CASK: variants seen among roughly 807,000 people sequenced by gnomAD.
CASK encodes peripheral plasma membrane protein CASK.
CASK carries 4 observed loss-of-function variants against 82.9 expected under a neutral mutation model. The ratio of observed to expected loss-of-function variants is 0.05; its 90% confidence interval spans 0.02 to 0.11. CASK has a LOEUF of 0.11. Ranked by LOEUF, CASK falls within the 10% of genes least tolerant of loss-of-function variation. CASK has a pLI of 1.00. For synonymous variants in CASK, 259 were observed against 253.5 expected (o/e 1.02, Z -0.20); for missense variants, 358 against 720.9 (o/e 0.50, Z 5.76).
intron 22 of CASK, among the ~76,000 whole-genome samples, chrX:41,539,321 A>C (rs2064917256): frequency 8.9e-6 from 1 of 112,196 alleles, no homozygotes; most frequent in African/African-American, 3.2e-5. Flanking sequence ...CCCAACCTTC[A>C]TTTGTACCAC....
intron 5 of CASK, among the ~76,000 whole-genome samples, chrX:41,681,634 A>T (rs2067356704): frequency 9.0e-6 from 1 of 111,525 alleles, no homozygotes; most frequent in Non-Finnish European, 1.9e-5. Flanking sequence ...AGGATCCATA[A>T]AAAGTGCCAT....
At chrX:41,844,911 AT>A (rs1226301636) in intron 2 of CASK, among the ~76,000 whole-genome samples, 1 of 111,990 alleles carries the variant, frequency 8.9e-6, no homozygotes, top group East Asian at 2.8e-4. Context: ...ATCTCAGAGT[AT>A]TTTTAAAGTA....
chrX:41,830,335 A>G (rs1454267157), intron 2 of CASK, among the ~76,000 whole-genome samples: 1 of 111,183 alleles, frequency 9.0e-6, no homozygotes, highest in Non-Finnish European at 1.9e-5. Flanking sequence ...TCCATCTCTG[A>G]GACTTCCTAA....
chrX:41,889,698 A>G (rs2072129412), intron 1 of CASK, among the ~76,000 whole-genome samples: 1 of 112,122 alleles, frequency 8.9e-6, no homozygotes, highest in South Asian at 3.7e-4. Flanking sequence ...CACTGGTAAC[A>G]TTTGCTTCAT....
intron 1 of CASK, among the ~76,000 whole-genome samples, chrX:41,864,016 G>A (rs1021766442): frequency 9.0e-6 from 1 of 111,085 alleles, no homozygotes; most frequent in African/African-American, 3.3e-5. Context: ...AGGGGGCGGA[G>A]GTTAATATCT....
chrX:41,518,399 G>A lies in CASK; in HGVS notation c.*2021C>T, dbSNP rs1255939319. 9.1e-6 allele frequency: 1 copy of A among 110,168 alleles called. No individual in the cohort carries two copies. The highest frequency in any genetic ancestry group is 1.9e-5 in the Non-Finnish European group (1 of 53,018). The allele number at this position is 110,168 out of a possible 1,213,427, so 9.1% of individuals were successfully genotyped here. ...CTAACACAGCCCTACCCAACTCTTTGAAGGTTTCTCTCTCTATCTAGTGTG... is the reference window on the plus strand; with the variant it reads ...CTAACACAGCCCTACCCAACTCTTTAAAGGTTTCTCTCTCTATCTAGTGTG... On this transcript the variant is annotated 3_prime_UTR_variant, in exon 27 of 27. Coordinates refer to ENST00000378163, the MANE Select transcript of CASK (RefSeq NM_001367721.1).
intron 1 of CASK, among the ~76,000 whole-genome samples, chrX:41,913,486 A>G (rs1423047691): frequency 8.9e-6 from 1 of 112,291 alleles, no homozygotes; most frequent in Non-Finnish European, 1.9e-5. Flanking sequence ...TTTACAGATA[A>G]AGAAACTGAG....
At chrX:41,823,057 G>T (rs1487315925) in intron 2 of CASK, among the ~76,000 whole-genome samples, 1 of 104,969 alleles carries the variant, frequency 9.5e-6, no homozygotes, top group African/African-American at 3.5e-5. Context: ...GGGGCCTTGA[G>T]GCAGCCTAGC....
At chrX:41,614,854 T>G (rs1404761387) in intron 11 of CASK, among the ~76,000 whole-genome samples, 2 of 111,040 alleles carry the variant, frequency 1.8e-5, no homozygotes, top group Non-Finnish European at 3.8e-5. Flanking sequence ...GGTCTTGCTC[T>G]GTTGCCCAGG....
chrX:41,700,821 C>A (rs1602490818), intron 5 of CASK, among the ~76,000 whole-genome samples: 1 of 105,699 alleles, frequency 9.5e-6, no homozygotes, highest in Middle Eastern at 4.8e-3. Context: ...CTCAGGTGAT[C>A]CGCCCGCCTT....
At chrX:41,621,592 C>G (rs908996297) in intron 11 of CASK, among the ~76,000 whole-genome samples, 1 of 111,757 alleles carries the variant, frequency 8.9e-6, no homozygotes, top group Non-Finnish European at 1.9e-5. Flanking sequence ...CATGAGAGAT[C>G]TTGAGCCAGA....
At chrX:41,558,532 T>C (rs2065187293) in intron 18 of CASK, 1 of 112,011 alleles carries the variant, frequency 8.9e-6, no homozygotes, top group Admixed American at 9.5e-5. Flanking sequence ...TCTGTAACTC[T>C]GGAATATTAA....
intron 2 of CASK, among the ~76,000 whole-genome samples, chrX:41,823,923 T>A (rs1002825793): frequency 8.9e-6 from 1 of 111,984 alleles, no homozygotes; most frequent in Non-Finnish European, 1.9e-5. Flanking sequence ...ACCAAAACGA[T>A]GAAGATTTTC....
intron 14 of CASK, chrX:41,585,807 T>C (rs1340074439): frequency 9.3e-6 from 1 of 107,305 alleles, no homozygotes; most frequent in African/African-American, 3.4e-5. Context: ...ATATATATAA[T>C]AACTCACAGG....
At chrX:41,882,482 T>A (rs1027288428) in intron 1 of CASK, among the ~76,000 whole-genome samples, 2 of 111,487 alleles carry the variant, frequency 1.8e-5, no homozygotes, top group African/African-American at 6.5e-5. Flanking sequence ...TAAAATTGAT[T>A]GAGCACATTT....
intron 5 of CASK, among the ~76,000 whole-genome samples, chrX:41,705,902 G>A (rs1459931268): frequency 1.8e-5 from 2 of 110,679 alleles, no homozygotes; most frequent in Non-Finnish European, 3.8e-5. Context: ...ACCCCTCCCC[G>A]TGGTCTGCTT....
At chrX:41,866,076 C>T (rs2071586591) in intron 1 of CASK, among the ~76,000 whole-genome samples, 1 of 112,649 alleles carries the variant, frequency 8.9e-6, no homozygotes, top group South Asian at 3.7e-4. Flanking sequence ...GTTGCTGCTG[C>T]TGTCTACAGA....
At chrX:41,611,298 T>C (rs2066040475) in intron 11 of CASK, among the ~76,000 whole-genome samples, 1 of 110,723 alleles carries the variant, frequency 9.0e-6, no homozygotes, top group Non-Finnish European at 1.9e-5. Flanking sequence ...CAATTATTGG[T>C]GAGAATATAT....
At chrX:41,750,618 A>G (rs1352198604) in intron 3 of CASK, among the ~76,000 whole-genome samples, 1 of 112,318 alleles carries the variant, frequency 8.9e-6, no homozygotes, top group African/African-American at 3.2e-5. Context: ...TGGGATTATG[A>G]ATGAGCTTAG....
Sources: allele counts gnomAD v4.1 joint callset (sites outside exome capture counted in the v4.1 genomes callset), GRCh38; gene constraint gnomAD v4.1.1; transcripts MANE v1.5; gene names NCBI Gene and HGNC (gene_info 2026-07-23, HGNC 2026-07-21).